Variants in CTNNA2 observed in about 807,000 individuals in gnomAD.
The protein encoded by CTNNA2 is catenin alpha 2, also known as catenin alpha-2.
CTNNA2 carries 42 observed loss-of-function variants against 101.0 expected under a neutral mutation model. The observed-to-expected ratio is 0.42, with a 90% CI of 0.32 to 0.54. CTNNA2 has a LOEUF of 0.54. CTNNA2 is among the 20% of genes least tolerant of loss of function. The probability of loss-of-function intolerance (pLI) is 0.14; values close to 1 mark genes in which losing one functional copy is unlikely to be tolerated. For synonymous variants in CTNNA2, 450 were observed against 456.4 expected (o/e 0.99, Z 0.18); for missense variants, 871 against 1,223.1 (o/e 0.71, Z 4.29).
At chr2:80,286,713 G>A (rs1048588985) in intron 7 of CTNNA2, among the ~76,000 whole-genome samples, 14 of 152,116 alleles carry the variant, frequency 9.2e-5, no homozygotes, top group African/African-American at 3.4e-4. Context: ...CAAGCCCTAC[G>A]AAACTTCTCA....
chr2:79,392,416 A>G (rs1012723717), intron 4 of CTNNA2, among the ~76,000 whole-genome samples: 2 of 152,184 alleles, frequency 1.3e-5, no homozygotes, highest in Admixed American at 1.3e-4. Flanking sequence ...AACCTCAGAA[A>G]AGGATCAATG....
intron 11 of CTNNA2, 27 bp downstream of exon 11, chr2:80,546,090 A>C (rs1692036767): frequency 1.2e-6 from 2 of 1,611,476 alleles, no homozygotes; most frequent in Non-Finnish European, 1.7e-6. Flanking sequence ...GGTCCCTTAC[A>C]AGGCAGCTGG....
At chr2:80,276,601 G>A (rs776704121) in intron 7 of CTNNA2, among the ~76,000 whole-genome samples, 18 of 152,080 alleles carry the variant, frequency 1.2e-4, no homozygotes, top group Non-Finnish European at 2.4e-4. Flanking sequence ...GAAGATGAAG[G>A]AGAGAAGGCA....
intron 4 of CTNNA2, among the ~76,000 whole-genome samples, chr2:79,413,333 TA>T (rs1678438863): frequency 6.6e-6 from 1 of 152,032 alleles, no homozygotes; most frequent in Admixed American, 6.6e-5. Flanking sequence ...CTGTCTTATT[TA>T]ACTTAATGTA....
At chr2:79,438,805 A>C (rs543673920) in intron 4 of CTNNA2, among the ~76,000 whole-genome samples, 1 of 152,228 alleles carries the variant, frequency 6.6e-6, no homozygotes, top group Non-Finnish European at 1.5e-5. Flanking sequence ...TGGGCAGAAA[A>C]TACCTGAAAA....
intron 4 of CTNNA2, among the ~76,000 whole-genome samples, chr2:79,455,346 G>T (rs533001100): frequency 9.2e-5 from 14 of 152,240 alleles, no homozygotes; most frequent in African/African-American, 2.9e-4. Flanking sequence ...TGGGGCAGTT[G>T]GAGGAAAGGA....
chr2:79,371,767 C>T (rs991578455), intron 3 of CTNNA2, among the ~76,000 whole-genome samples: 1 of 152,126 alleles, frequency 6.6e-6, no homozygotes, highest in Non-Finnish European at 1.5e-5. Context: ...AGTAGGTCAA[C>T]TGGTCACTCT....
At position 80,303,472 on chromosome 2, in the gene CTNNA2, C is replaced by T; in HGVS notation, c.1057-89739C>T. The T allele has an allele frequency of 1.2e-6, 2 of 1,614,208 alleles. No homozygotes were observed. Among genetic ancestry groups the T allele is most frequent in the Non-Finnish European group, 8.5e-7 (1 of 1,180,040 alleles). On this transcript the variant is annotated intron_variant, in intron 7 of 18. Transcript: ENST00000402739. This position sits in a 1 kb window ranked among gnomAD's most constrained non-coding sequence, Gnocchi z 7.7. ...TCTGGTTGGAACTCAGCGTGAGTTC[C>T]TTAACTCGGCGCAGTTTCTGAAAGG... is the stretch of plus-strand genomic sequence containing the variant.
chr2:80,068,739 T>A (rs2148773374), intron 7 of CTNNA2, among the ~76,000 whole-genome samples: 1 of 152,218 alleles, frequency 6.6e-6, no homozygotes, highest in East Asian at 1.9e-4. Context: ...GACTGGCCAG[T>A]TTGAAACCCT....
intron 3 of CTNNA2, among the ~76,000 whole-genome samples, chr2:79,366,279 A>G (rs879036037): frequency 2.0e-5 from 3 of 152,262 alleles, no homozygotes; most frequent in Admixed American, 2.0e-4. Context: ...TAAAAGGCAC[A>G]CATCATTCAG....
chr2:79,395,015 T>C (rs776428428), intron 4 of CTNNA2, among the ~76,000 whole-genome samples: 1 of 152,246 alleles, frequency 6.6e-6, no homozygotes, highest in Admixed American at 6.5e-5. Context: ...ATGACAATGA[T>C]AATTAACAGT....
intron 2 of CTNNA2, among the ~76,000 whole-genome samples, chr2:79,248,742 A>G (rs1407506855): frequency 6.6e-6 from 1 of 152,182 alleles, no homozygotes; most frequent in African/African-American, 2.4e-5. Context: ...CCTGGCAATG[A>G]TACATAGCAC....
At chr2:79,374,212 A>G (rs4852482) in intron 4 of CTNNA2, among the ~76,000 whole-genome samples, 114,474 of 151,892 alleles carry the variant, frequency 0.75, 43,391 homozygotes, top group South Asian at 0.79. Flanking sequence ...AAGTAGTAAA[A>G]CCTTCTGTGG....
intron 1 of CTNNA2, among the ~76,000 whole-genome samples, chr2:79,563,007 A>ATGCACTGT (rs541245178): frequency 6.6e-5 from 10 of 151,996 alleles, no homozygotes; most frequent in Non-Finnish European, 1.5e-4. Flanking sequence ...CAAACAATAT[A>ATGCACTGT]TGCACTGTCT....
chr2:80,417,704 T>G, intron 8 of CTNNA2, among the ~76,000 whole-genome samples: 1 of 152,080 alleles, frequency 6.6e-6, no homozygotes, highest in East Asian at 1.9e-4. Flanking sequence ...TGTTTTTAAT[T>G]TATTTGAAAT....
chr2:80,062,501 A>G (rs1233966186), intron 7 of CTNNA2, among the ~76,000 whole-genome samples: 2 of 152,238 alleles, frequency 1.3e-5, no homozygotes, highest in African/African-American at 4.8e-5. Context: ...TTGAGCTGAC[A>G]TTGCAATAAT....
intron 3 of CTNNA2, among the ~76,000 whole-genome samples, chr2:79,797,170 A>C (rs1439793996): frequency 1.3e-5 from 2 of 152,168 alleles, no homozygotes; most frequent in African/African-American, 4.8e-5. Flanking sequence ...TTTGTCCACA[A>C]AATATTGGAA....
chr2:80,180,120 T>C (rs1368912326), intron 7 of CTNNA2, among the ~76,000 whole-genome samples: 1 of 152,194 alleles, frequency 6.6e-6, no homozygotes, highest in African/African-American at 2.4e-5. Flanking sequence ...AGTGCACAGT[T>C]ACCCTGGTAA....
At chr2:80,482,529 G>A (rs1292326119) in intron 9 of CTNNA2, among the ~76,000 whole-genome samples, 1 of 152,154 alleles carries the variant, frequency 6.6e-6, no homozygotes, top group Non-Finnish European at 1.5e-5. Context: ...AATGAGAATG[G>A]CTGTGTTCCA....
Sources: gnomAD v4.1 joint callset for allele counts (sites outside exome capture counted in the v4.1 genomes callset) on GRCh38, gnomAD v4.1.1 for gene constraint, Gnocchi (gnomAD v3.1) non-coding constraint, MANE v1.5 for transcripts, NCBI Gene and HGNC (gene_info 2026-07-23, HGNC 2026-07-21) for gene names.